DKKL1: variants seen among roughly 807,000 people sequenced by gnomAD.
The protein encoded by DKKL1 is dickkopf like acrosomal protein 1, also known as dickkopf-like protein 1.
In DKKL1, 11 loss-of-function variants were observed where a neutral mutation model predicts 16.5. The observed-to-expected ratio is 0.67, with a 90% CI of 0.42 to 1.10. The LOEUF is 1.10. DKKL1 is among the 50% of genes least tolerant of loss of function. The pLI, the probability that DKKL1 is intolerant of heterozygous loss-of-function variation, is 0.00. For synonymous variants in DKKL1, 119 were observed against 133.2 expected (o/e 0.89, Z 0.73); for missense variants, 320 against 308.1 (o/e 1.04, Z -0.29).
At chr19:49,361,031 A>AG (rs532094441), upstream of DKKL1, among the ~76,000 whole-genome samples, 1 of 24,732 alleles carries the variant, frequency 4.0e-5, no homozygotes, top group African/African-American at 1.6e-4. Context: ...GACCAGAGGG[A>AG]GGGGGGGACA....
rs765211326 is a variant in DKKL1 at position 49,364,701 on chromosome 19, G to C, written c.130G>C (p.Gly44Arg). ...TGCTGACGCCCAAGAGAGCTCCTTGGGTCTCACAGGCCTCCAGAGCCTACT... is the reference window on the plus strand; with the variant it reads ...TGCTGACGCCCAAGAGAGCTCCTTGCGTCTCACAGGCCTCCAGAGCCTACT... ...HDADAQESSL[G>R]LTGLQSLLQG... The change falls in exon 2 of 5, where the codon GGT becomes CGT. Residue 44 changes from glycine (G) to arginine (R), a missense_variant. Gly to Arg is a moderately radical substitution (Grantham distance 125). Coordinates refer to ENST00000221498, the MANE Select transcript of DKKL1 (RefSeq NM_014419.4). The C allele has an allele frequency of 1.2e-6, 2 of 1,614,168 alleles. No individual in the cohort carries two copies. The highest frequency in any genetic ancestry group is 3.3e-5 in the Admixed American group (2 of 60,010).
rs2303757 is a variant in DKKL1 at position 49,364,642 on chromosome 19, T to C, written c.71T>C (p.Leu24Pro). The C allele has an allele frequency of 2.5e-6, 4 of 1,613,640 alleles. No homozygotes were observed. The Admixed American group carries it at 5.0e-5, about 20-fold the overall frequency. Residue 24 changes from leucine to proline, a missense_variant, in exon 2 of 5, where the codon CTG becomes CCG. Transcript: ENST00000221498. ...GTCCTGCTGCTGCTCCTCTCTACCC[T>C]GGTGATCCCCTCCGCTGCAGCTCCT... ...LLVLLLLLSTLVIPSAAAPIH... is the reference protein window; with the variant it reads ...LLVLLLLLSTPVIPSAAAPIH...
chr19:49,365,124 C>G (rs1600831688), intron 2 of DKKL1, among the ~76,000 whole-genome samples: 1 of 152,160 alleles, frequency 6.6e-6, no homozygotes, highest in Admixed American at 6.5e-5. Context: ...CATGATAGCA[C>G]CACTGCACTC....
At position 49,363,952 on chromosome 19, in the gene DKKL1, G is replaced by A. The variant is rs749144038; in HGVS notation, c.-47G>A. On this transcript the variant is annotated 5_prime_UTR_variant, in exon 1 of 5. Transcript: ENST00000221498. Reference sequence around the variant, plus strand: ...CCGGAATCCGGGAGTCCGGTGACCCGGGCTGTGGTCTAGCATAAAGGCGGA... The same window carrying A: ...CCGGAATCCGGGAGTCCGGTGACCCAGGCTGTGGTCTAGCATAAAGGCGGA... The A allele has an allele frequency of 5.6e-6, 9 of 1,610,134 alleles. No homozygotes were observed. In the South Asian group the frequency reaches 7.7e-5, roughly 14 times the overall value.
At chr19:49,372,973 C>T (rs1212721890) in intron 4 of DKKL1, among the ~76,000 whole-genome samples, 2 of 151,850 alleles carry the variant, frequency 1.3e-5, no homozygotes, top group African/African-American at 2.4e-5. Flanking sequence ...TGCACTACAG[C>T]CTGGGCAACA....
In DKKL1 at chr19:49,375,033, G is replaced by A. The variant is rs906994226; in HGVS notation, c.*5G>A. The A allele has an allele frequency of 1.9e-5, 31 of 1,591,578 alleles. No homozygotes were observed. The highest frequency in any genetic ancestry group is 2.7e-5 in the Non-Finnish European group (31 of 1,168,830). ...AGGCCCTCTCGGCAGCTGTAGGGGT[G>A]GGGACCGGGGAGCACCTGCCTGTAG... On this transcript the variant is annotated 3_prime_UTR_variant, in exon 5 of 5. Transcript: ENST00000221498.
At chr19:49,364,044 A>G in intron 1 of DKKL1, 36 bp downstream of exon 1, 1 of 1,611,530 alleles carries the variant, frequency 6.2e-7, no homozygotes. Flanking sequence ...CGTGGGCGAA[A>G]GTGAGGAAAA....
At chr19:49,364,454 T>TG (rs1973171007) in intron 1 of DKKL1, 128 bp from the exon 2 acceptor site, 1 of 682,816 alleles carries the variant, frequency 1.5e-6, no homozygotes. Flanking sequence ...AAAGAAGCAG[T>TG]GGGGGAAATG....
Position 49,375,055 on chromosome 19 carries a change from G to A in DKKL1, c.*27G>A, listed in dbSNP as rs1167680418. ...GGTGGGGACCGGGGAGCACCTGCCT[G>A]TAGCCCCCATCAGACCCTGCCCCAA... On this transcript the variant is annotated 3_prime_UTR_variant, in exon 5 of 5. Transcript: ENST00000221498. The A allele has an allele frequency of 1.3e-6, 2 of 1,572,494 alleles. No individual in the cohort carries two copies. Among genetic ancestry groups the A allele is most frequent in the Non-Finnish European group, 8.6e-7 (1 of 1,160,018 alleles).
chr19:49,370,433 A>C (rs1217593169), intron 4 of DKKL1: 1 of 151,992 alleles, frequency 6.6e-6, no homozygotes, highest in Non-Finnish European at 1.5e-5. Context: ...TTGCCAATGA[A>C]AGCTCAGATG....
At chr19:49,367,606 ATGTT>A (rs1342387737) in intron 4 of DKKL1, among the ~76,000 whole-genome samples, 1 of 151,558 alleles carries the variant, frequency 6.6e-6, no homozygotes, top group Non-Finnish European at 1.5e-5. Context: ...AGGTTTCATC[ATGTT>A]GGCCAGACTG....
Position 49,366,329 on chromosome 19 carries a change from A to G in DKKL1, c.417+444A>G, listed in dbSNP as rs571796495. On this transcript the variant is annotated intron_variant, in intron 4 of 4. Transcript: ENST00000221498. ...CCTCCTTCTGAGCCTCAGTTTTGCC[A>G]TCTCTCAAGTGGGGCAATCCAACTG... Among the ~76,000 whole-genome samples the G allele has an allele frequency of 7.2e-5, 11 of 152,270 alleles. No homozygotes were observed. In the South Asian group the frequency reaches 1.7e-3, roughly 23 times the overall value.
At chr19:49,362,927 T>G (rs7250975), upstream of DKKL1, 2 of 128,812 alleles carry the variant, frequency 1.6e-5, no homozygotes, top group African/African-American at 6.8e-5. Context: ...TTGTTTTTTG[T>G]TTTTTTTGTT....
chr19:49,364,828 G>C (rs190836480), intron 2 of DKKL1, 74 bp downstream of exon 2: 1 of 1,540,654 alleles, frequency 6.5e-7, no homozygotes, highest in Non-Finnish European at 8.8e-7. Context: ...AGATGGTTCA[G>C]GGCCAGGCAG....
chr19:49,372,916 G>A (rs1304039919), intron 4 of DKKL1, among the ~76,000 whole-genome samples: 2 of 152,042 alleles, frequency 1.3e-5, no homozygotes, highest in African/African-American at 2.4e-5. Context: ...CAGGAAAATC[G>A]TTTGAACCCA....
At position 49,365,415 on chromosome 19, in the gene DKKL1, C is replaced by T. The variant is rs566443006; in HGVS notation, c.184-94C>T. The T allele has an allele frequency of 1.0e-5, 15 of 1,430,062 alleles. No individual in the cohort carries two copies. In the Admixed American group the frequency reaches 1.5e-4, roughly 14 times the overall value. 88.6% of individuals were successfully genotyped at this position (1,430,062 alleles called of 1,614,324 possible). ...TAAAGGGGATGGGAGGGACTTGGGG[C>T]AAGGCCTCGGGAGCATCCTAGCAGG... On this transcript the variant is annotated intron_variant, in intron 2 of 4. Transcript: ENST00000221498.
upstream of DKKL1, among the ~76,000 whole-genome samples, chr19:49,360,765 A>G: frequency 4.7e-5 from 4 of 84,598 alleles, no homozygotes; most frequent in Non-Finnish European, 6.9e-5. Context: ...AGGGGGACAG[A>G]GACCCAGAGA....
intron 4 of DKKL1, 25 bp downstream of exon 4, chr19:49,365,910 G>A: frequency 6.2e-7 from 1 of 1,606,332 alleles, no homozygotes. Flanking sequence ...CGCCGTCAAA[G>A]TGTCCAGGCC....
At position 49,365,969 on chromosome 19, in the gene DKKL1, C is replaced by G. The variant is rs1973237078; in HGVS notation, c.417+84C>G. 11 of 1,343,890 alleles carry G rather than the reference C, an allele frequency of 8.2e-6. No individual in the cohort carries two copies. The East Asian group carries it at 2.8e-4, about 34-fold the overall frequency. The allele number at this position is 1,343,890 out of a possible 1,614,324, so 83.2% of individuals were successfully genotyped here. ...TTAAAGAAGAGTCTCACTCTGTCAC[C>G]CAGGCTGGAGTGCAGTGGCACGATC... On this transcript the variant is annotated intron_variant, in intron 4 of 4. Transcript: ENST00000221498.
Sources: gnomAD v4.1 joint callset for allele counts (sites outside exome capture counted in the v4.1 genomes callset) on GRCh38, gnomAD v4.1.1 for gene constraint, MANE v1.5 for transcripts, NCBI Gene and HGNC (gene_info 2026-07-23, HGNC 2026-07-21) for gene names.